FA2H: variants seen among roughly 807,000 people sequenced by gnomAD.
FA2H encodes fatty acid alpha-hydroxylase.
A neutral mutation model predicts 44.9 loss-of-function variants in FA2H; 22 were observed. The observed-to-expected ratio is 0.49, with a 90% CI of 0.35 to 0.70. The LOEUF is 0.70. Ranked by LOEUF, FA2H falls within the 30% of genes least tolerant of loss-of-function variation. The pLI is 0.01. For missense variants in FA2H, 501 were observed against 504.9 expected, an observed-to-expected ratio of 0.99 and a Z score of 0.07; for synonymous variants, 243 against 213.2, an observed-to-expected ratio of 1.14 and a Z score of -1.22.
chr16:74,754,398 GAACAAAAAACAAAA>G (rs893749352), intron 1 of FA2H, among the ~76,000 whole-genome samples: 1 of 151,562 alleles, frequency 6.6e-6, no homozygotes, highest in African/African-American at 2.4e-5. Context: ...TCCATCTCAA[GAACAAAAAACAAAA>G]AACAAAAAAC....
At chr16:74,772,184 T>C (rs1461613208) in intron 1 of FA2H, among the ~76,000 whole-genome samples, 1 of 152,152 alleles carries the variant, frequency 6.6e-6, no homozygotes, top group Admixed American at 6.6e-5. Context: ...TCTGGCCACG[T>C]TGGTTTTATT....
intron 1 of FA2H, chr16:74,741,419 T>G (rs550087975): frequency 6.6e-6 from 1 of 152,364 alleles, no homozygotes; most frequent in East Asian, 1.9e-4. Context: ...TGGTCCTTTC[T>G]TAGTCTGTGT....
rs1839685465 is a variant in FA2H at position 74,719,051 on chromosome 16, C to T, written c.723G>A (p.Lys241=). ...TGAGGTAATAGCTGTCGCTGGGGGGCTTCATGTGGAACAGGAAGCGGTGGA... is the reference window on the plus strand; with the variant it reads ...TGAGGTAATAGCTGTCGCTGGGGGGTTTCATGTGGAACAGGAAGCGGTGGA... ...YLIHRFLFHM[K]PPSDSYYLIM... Residue 241 remains lysine (K), a synonymous_variant, in exon 5 of 7, where the codon AAG becomes AAA. Transcript: ENST00000219368. The T allele has an allele frequency of 6.2e-7, 1 of 1,614,044 alleles. No homozygotes were observed.
chr16:74,720,145 C>G (rs71392614), intron 4 of FA2H, among the ~76,000 whole-genome samples: 11,094 of 140,318 alleles, frequency 0.079, 580 homozygotes, highest in Non-Finnish European at 0.12. Context: ...GATTTCAGCT[C>G]TCATTCCTGT....
chr16:74,765,476 T>C (rs1171240551), intron 1 of FA2H, among the ~76,000 whole-genome samples: 1 of 151,914 alleles, frequency 6.6e-6, no homozygotes, highest in Non-Finnish European at 1.5e-5. Context: ...TCTTAAAGTA[T>C]CTTGCATATG....
chr16:74,724,803 G>C (rs541645303), intron 4 of FA2H, among the ~76,000 whole-genome samples: 1 of 152,212 alleles, frequency 6.6e-6, no homozygotes, highest in African/African-American at 2.4e-5. Flanking sequence ...CTGCCATGCA[G>C]GAAAGACCTC....
chr16:74,757,731 G>C (rs1962634165), intron 1 of FA2H, among the ~76,000 whole-genome samples: 1 of 152,202 alleles, frequency 6.6e-6, no homozygotes, highest in Non-Finnish European at 1.5e-5. Flanking sequence ...AATACTATAT[G>C]TGTGGCTGGG....
chr16:74,720,544 T>C (rs898318175), intron 4 of FA2H, among the ~76,000 whole-genome samples: 1 of 152,112 alleles, frequency 6.6e-6, no homozygotes, highest in African/African-American at 2.4e-5. Flanking sequence ...ACCATAGCTT[T>C]GGCCATATCT....
chr16:74,741,088 A>G (rs2144635610), intron 1 of FA2H: 1 of 152,432 alleles, frequency 6.6e-6, no homozygotes, highest in African/African-American at 2.4e-5. Context: ...TGGGAAAAGC[A>G]CACAGCCCCA....
intron 4 of FA2H, among the ~76,000 whole-genome samples, chr16:74,720,817 C>T (rs562511098): frequency 3.3e-5 from 5 of 152,178 alleles, no homozygotes; most frequent in Non-Finnish European, 5.9e-5. Context: ...GGACATTTCA[C>T]GTCAATTGAA....
At chr16:74,726,105 C>T in intron 4 of FA2H, 120 bp downstream of exon 4, 1 of 735,676 alleles carries the variant, frequency 1.4e-6, no homozygotes, top group Non-Finnish European at 2.4e-6. Context: ...GAGGCTTCAC[C>T]AAAAATGTCT....
chr16:74,746,949 C>T (rs960188879), intron 1 of FA2H, among the ~76,000 whole-genome samples: 8 of 152,118 alleles, frequency 5.3e-5, no homozygotes, highest in East Asian at 1.9e-4. Context: ...GAGGAAGCAG[C>T]GGGTCAGGGA....
chr16:74,750,752 T>C (rs1163051807), intron 1 of FA2H, among the ~76,000 whole-genome samples: 1 of 144,832 alleles, frequency 6.9e-6, no homozygotes, highest in African/African-American at 2.6e-5. Context: ...TATGTCCTCT[T>C]TTTTTTCACT....
intron 1 of FA2H, among the ~76,000 whole-genome samples, chr16:74,742,747 A>G (rs937224005): frequency 3.3e-5 from 5 of 152,108 alleles, no homozygotes; most frequent in African/African-American, 1.2e-4. Context: ...CTGAGGGAGG[A>G]GGATCATTTG....
At chr16:74,754,387 C>A (rs1054337591) in intron 1 of FA2H, among the ~76,000 whole-genome samples, 1 of 152,034 alleles carries the variant, frequency 6.6e-6, no homozygotes, top group African/African-American at 2.4e-5. Context: ...CAGAGCAAGA[C>A]TCCATCTCAA....
intron 2 of FA2H, among the ~76,000 whole-genome samples, chr16:74,739,628 T>C (rs1962252197): frequency 6.6e-6 from 1 of 152,154 alleles, no homozygotes; most frequent in Non-Finnish European, 1.5e-5. Flanking sequence ...CTGGCCAATG[T>C]CGCTTCCACA....
At chr16:74,744,260 A>G (rs978297585) in intron 1 of FA2H, among the ~76,000 whole-genome samples, 6 of 152,298 alleles carry the variant, frequency 3.9e-5, no homozygotes, top group Admixed American at 2.0e-4. Context: ...GAACTAGGGT[A>G]CAACCCCAGC....
At chr16:74,760,874 A>T (rs1264219982) in intron 1 of FA2H, among the ~76,000 whole-genome samples, 1 of 152,178 alleles carries the variant, frequency 6.6e-6, no homozygotes, top group Non-Finnish European at 1.5e-5. Context: ...GGGCACTTGG[A>T]GACCCATATT....
At chr16:74,759,980 G>C (rs1962677279) in intron 1 of FA2H, among the ~76,000 whole-genome samples, 2 of 152,200 alleles carry the variant, frequency 1.3e-5, no homozygotes, top group African/African-American at 4.8e-5. Flanking sequence ...CCTTAGGCAT[G>C]CAAGGACAAA....
Sources: allele counts gnomAD v4.1 joint callset (sites outside exome capture counted in the v4.1 genomes callset), GRCh38; gene constraint gnomAD v4.1.1; transcripts MANE v1.5; gene names NCBI Gene and HGNC (gene_info 2026-07-23, HGNC 2026-07-21).